Variants in TSNARE1 observed in about 807,000 individuals in gnomAD.
TSNARE1 encodes t-SNARE domain containing 1.
TSNARE1 carries 49 observed loss-of-function variants against 62.0 expected under a neutral mutation model. The ratio of observed to expected loss-of-function variants is 0.79; its 90% CI spans 0.63 to 1.00. The LOEUF is 1.00. Among genes scored for constraint, TSNARE1 ranks in the 50% least tolerant of loss-of-function variants. TSNARE1 has a pLI of 0.00. For synonymous variants in TSNARE1, 328 were observed against 294.4 expected, an observed-to-expected ratio of 1.11 and a Z score of -1.17; for missense variants, 755 against 700.1, an observed-to-expected ratio of 1.08 and a Z score of -0.88.
At chr8:142,324,597 G>A (rs932218316) in intron 6 of TSNARE1, among the ~76,000 whole-genome samples, 17 of 152,206 alleles carry the variant, frequency 1.1e-4, no homozygotes, top group African/African-American at 3.4e-4. Flanking sequence ...CATGTCCCGC[G>A]TATCTCATAC....
At chr8:142,217,946 G>C (rs1315626814) in intron 13 of TSNARE1, among the ~76,000 whole-genome samples, 4 of 62,400 alleles carry the variant, frequency 6.4e-5, no homozygotes, top group African/African-American at 8.0e-5. Context: ...CAGAGTATGA[G>C]CAGGATCAGG....
At chr8:142,307,831 C>T (rs2131467673) in intron 9 of TSNARE1, among the ~76,000 whole-genome samples, 1 of 152,310 alleles carries the variant, frequency 6.6e-6, no homozygotes, top group South Asian at 2.1e-4. Flanking sequence ...AAGGCACACC[C>T]CACCAGTAAA....
chr8:142,363,897 C>T (rs1390363574), intron 1 of TSNARE1, among the ~76,000 whole-genome samples: 2 of 152,190 alleles, frequency 1.3e-5, no homozygotes, highest in Admixed American at 1.3e-4. Flanking sequence ...AGACCATAGT[C>T]TCATGTGGAG....
chr8:142,330,418 C>A (rs1049271353), intron 6 of TSNARE1, among the ~76,000 whole-genome samples: 1 of 152,226 alleles, frequency 6.6e-6, no homozygotes, highest in Non-Finnish European at 1.5e-5. Context: ...GGGAGCCCGC[C>A]AAGGCTCAAC....
Position 142,270,045 on chromosome 8 carries a change from G to A in TSNARE1, c.1446+4736C>T, listed in dbSNP as rs1032527932. On this transcript the variant is annotated intron_variant, in intron 12 of 13. Transcript: ENST00000524325. The stretch of plus-strand genomic sequence containing the variant: ...GCCTCCCACTCAAGCCAGTCAGCCA[G>A]CATCTTGCTCCTGGGACAGGCTTTG... 3 of 985,342 alleles carry A rather than the reference G, an allele frequency of 3.0e-6. No homozygotes were observed. In the African/African-American group the frequency reaches 5.2e-5, roughly 17 times the overall value. The allele number at this position is 985,342 out of a possible 1,614,324, so 61.0% of individuals were successfully genotyped here.
intron 9 of TSNARE1, among the ~76,000 whole-genome samples, chr8:142,307,340 C>T (rs1242122838): frequency 6.6e-6 from 1 of 152,186 alleles, no homozygotes; most frequent in Non-Finnish European, 1.5e-5. Context: ...CAGGTTGTGT[C>T]ACTGCGTGGG....
At chr8:142,333,875 C>A (rs570465794) in intron 4 of TSNARE1, among the ~76,000 whole-genome samples, 2 of 152,334 alleles carry the variant, frequency 1.3e-5, no homozygotes, top group East Asian at 1.9e-4. Flanking sequence ...GAGGGACGGC[C>A]CCCCATCACC....
chr8:142,344,378 G>A lies in TSNARE1; in HGVS notation c.333C>T (p.Gly111=), dbSNP rs1421367306. 2 of 1,574,908 alleles carry A rather than the reference G, an allele frequency of 1.3e-6. No individual in the cohort carries two copies. The highest frequency in any genetic ancestry group is 2.3e-5 in the South Asian group (2 of 85,480). ...GGGTAGTGCTGGGCCCCGCCATCCG[G>A]CCATGGGGCCCAGCAGCCGAGTCCT... The part of the protein sequence containing the change: ...PRKDSAAGPH[G]RMAGPSTTRA... The change falls in exon 4 of 14, where the codon GGC becomes GGT. Residue 111 remains glycine (G), a synonymous_variant. Coordinates refer to ENST00000524325, the MANE Select transcript of TSNARE1 (RefSeq NM_145003.5).
At chr8:142,384,854 C>G (rs540546265) in intron 1 of TSNARE1, among the ~76,000 whole-genome samples, 2 of 152,244 alleles carry the variant, frequency 1.3e-5, no homozygotes, top group African/African-American at 4.8e-5. Flanking sequence ...AAATTAAAAA[C>G]TTTTGTACAT....
chr8:142,374,141 T>C (rs1012439803), intron 1 of TSNARE1, among the ~76,000 whole-genome samples: 1 of 151,776 alleles, frequency 6.6e-6, no homozygotes, highest in African/African-American at 2.4e-5. Flanking sequence ...CCGTCTCTAC[T>C]AAAAATACAA....
intron 13 of TSNARE1, among the ~76,000 whole-genome samples, chr8:142,218,586 G>A (rs1159738098): frequency 6.6e-6 from 1 of 152,192 alleles, no homozygotes; most frequent in East Asian, 1.9e-4. Context: ...AGCTGCCAGG[G>A]AGCTGTGAGC....
chr8:142,289,444 A>C (rs1272055084), intron 10 of TSNARE1, among the ~76,000 whole-genome samples: 1 of 152,038 alleles, frequency 6.6e-6, no homozygotes, highest in African/African-American at 2.4e-5. Flanking sequence ...GGGCCCCACT[A>C]TCCCTCCTGG....
intron 12 of TSNARE1, among the ~76,000 whole-genome samples, chr8:142,239,561 A>G (rs767172665): frequency 1.3e-4 from 20 of 152,268 alleles, no homozygotes; most frequent in Non-Finnish European, 2.8e-4. Flanking sequence ...TTAAAAATAG[A>G]GTAAGGAAAA....
intron 1 of TSNARE1, among the ~76,000 whole-genome samples, chr8:142,379,814 C>A (rs1457703654): frequency 6.6e-6 from 1 of 152,192 alleles, no homozygotes; most frequent in Non-Finnish European, 1.5e-5. Context: ...CCTGGCAGGG[C>A]CAGGGGATGC....
chr8:142,232,025 A>G (rs12676511), intron 12 of TSNARE1, among the ~76,000 whole-genome samples: 83,454 of 152,216 alleles, frequency 0.55, 24,341 homozygotes, highest in African/African-American at 0.74. Context: ...AGGGCATGGA[A>G]AAGAAACAGG....
At chr8:142,219,583 C>T (rs1278480009) in intron 13 of TSNARE1, among the ~76,000 whole-genome samples, 2 of 152,242 alleles carry the variant, frequency 1.3e-5, no homozygotes, top group Non-Finnish European at 2.9e-5. Context: ...TCCTGACCGA[C>T]ACGTGGCCCT....
At chr8:142,227,344 A>T (rs28367214) in intron 13 of TSNARE1, among the ~76,000 whole-genome samples, 2,327 of 79,458 alleles carry the variant, frequency 0.029, 16 homozygotes, top group Admixed American at 0.075. Context: ...CAGGACCCCC[A>T]TCCTGCCCAT....
chr8:142,293,374 C>A (rs762667616), intron 10 of TSNARE1, among the ~76,000 whole-genome samples: 2 of 152,256 alleles, frequency 1.3e-5, no homozygotes, highest in Non-Finnish European at 2.9e-5. Flanking sequence ...GGCACGTGGA[C>A]AGCCACGGCC....
intron 4 of TSNARE1, among the ~76,000 whole-genome samples, chr8:142,332,113 G>A (rs931583047): frequency 6.6e-6 from 1 of 152,250 alleles, no homozygotes; most frequent in Non-Finnish European, 1.5e-5. Flanking sequence ...CGCAGCAGCT[G>A]GCGTGTGTGC....
Sources: allele counts gnomAD v4.1 joint callset (sites outside exome capture counted in the v4.1 genomes callset), GRCh38; gene constraint gnomAD v4.1.1; transcripts MANE v1.5; gene names NCBI Gene and HGNC (gene_info 2026-07-23, HGNC 2026-07-21).